LYPD6B: variants seen among roughly 807,000 people sequenced by gnomAD.
LYPD6B encodes ly6/PLAUR domain-containing protein 6B.
Under a neutral mutation model 22.8 loss-of-function variants are expected in LYPD6B, and 17 were observed. The observed-to-expected ratio is 0.75, with a 90% CI of 0.51 to 1.12. The LOEUF (loss-of-function observed/expected upper bound fraction) is 1.12. Among genes scored for constraint, LYPD6B ranks in the 50% most tolerant of loss-of-function variants. LYPD6B has a pLI of 0.00. For synonymous variants in LYPD6B, 106 were observed against 91.6 expected, an observed-to-expected ratio of 1.16 and a Z score of -0.90; for missense variants, 221 against 258.3, an observed-to-expected ratio of 0.86 and a Z score of 0.99.
chr2:149,140,529 C>A (rs1052350112), intron 2 of LYPD6B, among the ~76,000 whole-genome samples: 9 of 152,200 alleles, frequency 5.9e-5, no homozygotes, highest in African/African-American at 2.2e-4. Context: ...AATCCTTGAT[C>A]CTCAGGGAGT....
chr2:149,059,324 G>A (rs1331169665), intron 1 of LYPD6B, among the ~76,000 whole-genome samples: 2 of 152,208 alleles, frequency 1.3e-5, no homozygotes, highest in Non-Finnish European at 1.5e-5. Flanking sequence ...ACAGTACAGG[G>A]ACTTTTGCGT....
At chr2:149,165,029 T>C (rs774445808) in intron 3 of LYPD6B, among the ~76,000 whole-genome samples, 1 of 152,134 alleles carries the variant, frequency 6.6e-6, no homozygotes, top group Non-Finnish European at 1.5e-5. Flanking sequence ...GTTCTTCTGT[T>C]AGTTTCACCT....
chr2:149,048,521 T>C (rs1683411905), intron 1 of LYPD6B, among the ~76,000 whole-genome samples: 2 of 152,316 alleles, frequency 1.3e-5, no homozygotes, highest in South Asian at 4.1e-4. Context: ...CCATTGTTAT[T>C]TGTGACCCGA....
intron 1 of LYPD6B, among the ~76,000 whole-genome samples, chr2:149,119,341 G>A (rs1029152524): frequency 6.6e-5 from 10 of 152,178 alleles, no homozygotes; most frequent in African/African-American, 1.4e-4. Flanking sequence ...AAATTAAAGC[G>A]TAAGAAGCTT....
At chr2:149,164,155 T>G (rs1333979819) in intron 3 of LYPD6B, among the ~76,000 whole-genome samples, 1 of 152,112 alleles carries the variant, frequency 6.6e-6, no homozygotes, top group East Asian at 1.9e-4. Flanking sequence ...TGATGAAACT[T>G]CTGTGGAGGG....
chr2:149,153,095 A>G (rs1465410082), intron 2 of LYPD6B, among the ~76,000 whole-genome samples: 2 of 152,196 alleles, frequency 1.3e-5, no homozygotes, highest in African/African-American at 4.8e-5. Flanking sequence ...GTGGTTGATA[A>G]AAGCTGAACA....
intron 2 of LYPD6B, among the ~76,000 whole-genome samples, chr2:149,151,070 C>T (rs1689341384): frequency 6.6e-6 from 1 of 152,038 alleles, no homozygotes; most frequent in African/African-American, 2.4e-5. Flanking sequence ...TCTCTGAGGT[C>T]AATGTATTGT....
At chr2:149,114,190 A>G (rs1208673587) in intron 1 of LYPD6B, among the ~76,000 whole-genome samples, 4 of 152,242 alleles carry the variant, frequency 2.6e-5, no homozygotes, top group Non-Finnish European at 1.5e-5. Context: ...AAAAAAAATA[A>G]GAGCTTATAG....
chr2:149,084,339 C>T (rs59700876), intron 1 of LYPD6B, among the ~76,000 whole-genome samples: 17,029 of 152,064 alleles, frequency 0.11, 2,646 homozygotes, highest in African/African-American at 0.33. Context: ...AAGAGTTTTC[C>T]TCACTCATCC....
At chr2:149,145,518 CGGCA>C (rs1442605174) in intron 2 of LYPD6B, among the ~76,000 whole-genome samples, 1 of 152,148 alleles carries the variant, frequency 6.6e-6, no homozygotes, top group Non-Finnish European at 1.5e-5. Context: ...TGATGCCTTC[CGGCA>C]AGCCTGAAGA....
At chr2:149,073,353 G>A (rs1278241856) in intron 1 of LYPD6B, among the ~76,000 whole-genome samples, 4 of 152,190 alleles carry the variant, frequency 2.6e-5, no homozygotes, top group Admixed American at 1.3e-4. Context: ...GTGAGAGAAG[G>A]CATGTGCCCT....
At chr2:149,079,106 C>T in intron 1 of LYPD6B, among the ~76,000 whole-genome samples, 1 of 150,500 alleles carries the variant, frequency 6.6e-6, no homozygotes, top group Non-Finnish European at 1.5e-5. Context: ...GCAAATATTA[C>T]CATGGTGTGA....
intron 1 of LYPD6B, among the ~76,000 whole-genome samples, chr2:149,122,068 A>G (rs1687391164): frequency 6.6e-6 from 1 of 152,230 alleles, no homozygotes; most frequent in East Asian, 1.9e-4. Flanking sequence ...TAGCAGCACT[A>G]GGGACCCATT....
intron 2 of LYPD6B, among the ~76,000 whole-genome samples, chr2:149,154,577 T>G (rs1346677260): frequency 1.3e-5 from 2 of 151,106 alleles, no homozygotes. Context: ...ACCAACCAGC[T>G]CCATCCTAAA....
At position 149,214,608 on chromosome 2, in the gene LYPD6B, T is replaced by C; in HGVS notation, c.522T>C (p.Asn174=). 1 of 1,613,838 alleles carries C rather than the reference T, an allele frequency of 6.2e-7. No homozygotes were observed. The highest frequency in any genetic ancestry group is 8.5e-7 in the Non-Finnish European group (1 of 1,179,740). ...CNVELPTNHT[N]AVFAVMHAQR... is the part of the protein sequence containing the mutation. Reference sequence around the variant, plus strand: ...TAGAATTACCCACCAATCACACTAATGCAGTGTTTGCCGTAATGCACGCTC... The same window carrying C: ...TAGAATTACCCACCAATCACACTAACGCAGTGTTTGCCGTAATGCACGCTC... Residue 174 remains asparagine (N), a synonymous_variant, in exon 7 of 7, where the codon AAT becomes AAC. Transcript: ENST00000409642.
At chr2:149,082,198 G>A (rs1351187443) in intron 1 of LYPD6B, among the ~76,000 whole-genome samples, 3 of 152,180 alleles carry the variant, frequency 2.0e-5, no homozygotes, top group Non-Finnish European at 4.4e-5. Flanking sequence ...TCTGAGCAGG[G>A]AAACATCTGG....
intron 1 of LYPD6B, among the ~76,000 whole-genome samples, chr2:149,070,351 T>TTA (rs1684540027): frequency 6.6e-6 from 1 of 152,192 alleles, no homozygotes; most frequent in Non-Finnish European, 1.5e-5. Context: ...ACAAGTTTAT[T>TTA]CCTTCTGCTG....
At chr2:149,167,696 T>C (rs895407627) in intron 3 of LYPD6B, among the ~76,000 whole-genome samples, 11 of 152,140 alleles carry the variant, frequency 7.2e-5, no homozygotes, top group Admixed American at 5.9e-4. Flanking sequence ...ATGTTTCAGA[T>C]GTGGCAATTC....
At chr2:149,078,644 A>T (rs1391527851) in intron 1 of LYPD6B, among the ~76,000 whole-genome samples, 1 of 152,152 alleles carries the variant, frequency 6.6e-6, no homozygotes, top group African/African-American at 2.4e-5. Context: ...ATTGTCACTG[A>T]ATTTTCACTT....
Sources: allele counts gnomAD v4.1 joint callset (sites outside exome capture counted in the v4.1 genomes callset), GRCh38; gene constraint gnomAD v4.1.1; transcripts MANE v1.5; gene names NCBI Gene and HGNC (gene_info 2026-07-23, HGNC 2026-07-21).